Variants in SDK1 observed in about 807,000 individuals in gnomAD.
SDK1 encodes the protein sidekick cell adhesion molecule 1.
In SDK1, 157 loss-of-function variants were observed where a neutral mutation model predicts 245.5. That is an observed-to-expected ratio of 0.64 (90% CI 0.56 to 0.73). The LOEUF is 0.73. Ranked by LOEUF, SDK1 falls within the 30% of genes least tolerant of loss-of-function variation. The pLI is 0.00. For synonymous variants in SDK1, 1,647 were observed against 1,278.5 expected (o/e 1.29, Z -6.15); for missense variants, 3,583 against 3,002.3 (o/e 1.19, Z -4.52).
chr7:3,468,292 T>A (rs1781072645), intron 1 of SDK1, among the ~76,000 whole-genome samples: 1 of 152,186 alleles, frequency 6.6e-6, no homozygotes, highest in South Asian at 2.1e-4. Flanking sequence ...AAGTGGTTAA[T>A]ATGATTTTAT....
intron 44 of SDK1, among the ~76,000 whole-genome samples, chr7:4,261,843 C>T (rs2128244086): frequency 6.6e-6 from 1 of 152,074 alleles, no homozygotes; most frequent in East Asian, 1.9e-4. Flanking sequence ...GCAGCAGCGC[C>T]TTGGTCTCTG....
At chr7:3,945,052 T>G (rs559123398) in intron 5 of SDK1, among the ~76,000 whole-genome samples, 18 of 152,364 alleles carry the variant, frequency 1.2e-4, no homozygotes, top group Middle Eastern at 3.4e-3. Context: ...AGGCAGAGTT[T>G]GCAGTGAGCT....
chr7:3,808,328 G>A (rs578168587), intron 4 of SDK1, among the ~76,000 whole-genome samples: 3 of 152,300 alleles, frequency 2.0e-5, no homozygotes, highest in African/African-American at 7.2e-5. Context: ...AGGAGCAGAT[G>A]GAGGGTCGGT....
At chr7:3,752,022 ACTC>A (rs1317007677) in intron 4 of SDK1, among the ~76,000 whole-genome samples, 3 of 152,126 alleles carry the variant, frequency 2.0e-5, no homozygotes, top group Non-Finnish European at 4.4e-5. Flanking sequence ...TGGGAAAAGT[ACTC>A]CTTTGGCCTT....
At chr7:3,435,489 C>T (rs1490530154) in intron 1 of SDK1, among the ~76,000 whole-genome samples, 1 of 150,652 alleles carries the variant, frequency 6.6e-6, no homozygotes, top group Non-Finnish European at 1.5e-5. Context: ...GACAGTCACG[C>T]CCAGCTAATT....
intron 41 of SDK1, among the ~76,000 whole-genome samples, chr7:4,236,518 C>G (rs1583146873): frequency 6.6e-6 from 1 of 152,194 alleles, no homozygotes; most frequent in East Asian, 1.9e-4. Flanking sequence ...GGGTCTGTGG[C>G]CTGTGGAGGG....
Position 3,683,231 on chromosome 7 carries a change from G to A in SDK1, c.713+41126G>A, listed in dbSNP as rs181057621. Among the ~76,000 whole-genome samples the A allele has an allele frequency of 4.6e-5, 7 of 152,276 alleles. No individual in the cohort carries two copies. In the East Asian group the frequency reaches 1.3e-3, roughly 29 times the overall value. On this transcript the variant is annotated intron_variant, in intron 4 of 44. Transcript: ENST00000404826. ...GAGTGTATAGCTTTGTATCTGTGGTGTTTTCTGATGCTTCCCCAATGTTGA... is the reference window on the plus strand; with the variant it reads ...GAGTGTATAGCTTTGTATCTGTGGTATTTTCTGATGCTTCCCCAATGTTGA...
At chr7:3,420,758 T>A (rs919969728) in intron 1 of SDK1, among the ~76,000 whole-genome samples, 2 of 152,186 alleles carry the variant, frequency 1.3e-5, no homozygotes, top group African/African-American at 4.8e-5. Flanking sequence ...TTTTTAAAAT[T>A]TAATTTTAAG....
rs770499491 is a variant in SDK1 at position 4,114,226 on chromosome 7, G to A, written c.3775G>A (p.Gly1259Arg). 4 of 1,613,072 alleles carry A rather than the reference G, an allele frequency of 2.5e-6. No homozygotes were observed. Among genetic ancestry groups the A allele is most frequent in the East Asian group, 2.2e-5 (1 of 44,872 alleles). The change falls in exon 25 of 45, where the codon GGG (glycine) becomes AGG (arginine). Residue 1259 changes from glycine (G) to arginine (R), a missense_variant. Coordinates refer to ENST00000404826, the MANE Select transcript of SDK1 (RefSeq NM_152744.4). ...GCAGATGCAGGCCTTCAACGCCGTC[G>A]GGGCTGGGCCGTGGAGCGAGGTGGT... ...ELQMQAFNAV[G>R]AGPWSEVVRG...
At chr7:3,469,814 A>G (rs923616740) in intron 1 of SDK1, among the ~76,000 whole-genome samples, 3 of 152,164 alleles carry the variant, frequency 2.0e-5, no homozygotes, top group Non-Finnish European at 4.4e-5. Context: ...TCTGTCAGGC[A>G]TTTTCCCAAA....
chr7:4,160,612 T>C (rs890224881), intron 31 of SDK1, among the ~76,000 whole-genome samples: 1 of 152,210 alleles, frequency 6.6e-6, no homozygotes, highest in Admixed American at 6.5e-5. Context: ...CCTCTGAGTA[T>C]GTGGACGGTT....
intron 12 of SDK1, among the ~76,000 whole-genome samples, chr7:3,974,055 A>G (rs1269562961): frequency 6.6e-6 from 1 of 151,742 alleles, no homozygotes; most frequent in Non-Finnish European, 1.5e-5. Context: ...ATGGTGGCAT[A>G]CATCTGTGGT....
chr7:3,531,201 A>G (rs554621122), intron 1 of SDK1, among the ~76,000 whole-genome samples: 4 of 152,280 alleles, frequency 2.6e-5, no homozygotes, highest in Admixed American at 6.5e-5. Context: ...TCAGTGTGGA[A>G]CTTTTGATAA....
intron 5 of SDK1, among the ~76,000 whole-genome samples, chr7:3,886,547 T>A (rs1781343298): frequency 6.6e-6 from 1 of 152,182 alleles, no homozygotes; most frequent in Admixed American, 6.5e-5. Flanking sequence ...TTCAGTTGAG[T>A]TCACCAGTTG....
intron 1 of SDK1, among the ~76,000 whole-genome samples, chr7:3,513,148 C>T (rs1285565024): frequency 6.6e-6 from 1 of 152,152 alleles, no homozygotes; most frequent in African/African-American, 2.4e-5. Flanking sequence ...AGTTACTGAG[C>T]TCTATGTCTG....
intron 4 of SDK1, among the ~76,000 whole-genome samples, chr7:3,651,284 A>G (rs930061041): frequency 1.3e-5 from 2 of 152,160 alleles, no homozygotes; most frequent in Admixed American, 1.3e-4. Flanking sequence ...TCATAGGTGT[A>G]TAATGATATC....
At chr7:3,686,184 T>G (rs2114989882) in intron 4 of SDK1, among the ~76,000 whole-genome samples, 1 of 152,320 alleles carries the variant, frequency 6.6e-6, no homozygotes, top group South Asian at 2.1e-4. Context: ...CAAGTGATTC[T>G]CCTGCCTCAG....
intron 33 of SDK1, 119 bp from the exon 34 acceptor site, chr7:4,175,656 G>C (rs764844195): frequency 1.9e-5 from 16 of 837,886 alleles, no homozygotes; most frequent in Non-Finnish European, 3.3e-5. Context: ...GGGAGGCGCA[G>C]CGTGGGAAGT....
chr7:4,251,184 T>C (rs1296798718), intron 44 of SDK1, among the ~76,000 whole-genome samples: 1 of 152,218 alleles, frequency 6.6e-6, no homozygotes, highest in East Asian at 1.9e-4. Flanking sequence ...TAAAAATGCA[T>C]TCATCAGTTG....
Sources: gnomAD v4.1 joint callset for allele counts (sites outside exome capture counted in the v4.1 genomes callset) on GRCh38, gnomAD v4.1.1 for gene constraint, MANE v1.5 for transcripts, NCBI Gene and HGNC (gene_info 2026-07-23, HGNC 2026-07-21) for gene names.